ATE1: variants seen among roughly 807,000 people sequenced by gnomAD.
ATE1 encodes arginyl-tRNA--protein transferase 1.
Under a neutral mutation model 70.5 loss-of-function variants are expected in ATE1, and 36 were observed. That is an observed-to-expected ratio of 0.51 (90% CI 0.39 to 0.67). The LOEUF (loss-of-function observed/expected upper bound fraction) is 0.67. ATE1 is among the 30% of genes least tolerant of loss of function. ATE1 has a pLI of 0.00. For missense variants in ATE1, 593 were observed against 629.5 expected (o/e 0.94, Z 0.62); for synonymous variants, 232 against 219.3 (o/e 1.06, Z -0.51).
chr10:121,776,020 T>C (rs1945723301), intron 11 of ATE1, among the ~76,000 whole-genome samples: 1 of 152,246 alleles, frequency 6.6e-6, no homozygotes. Context: ...AGCTGTAATG[T>C]GCATATATTA....
At chr10:121,743,980 T>C in intron 11 of ATE1, 122 bp from the exon 12 acceptor site, 1 of 1,101,300 alleles carries the variant, frequency 9.1e-7, no homozygotes, top group Non-Finnish European at 1.2e-6. Context: ...TGGAGTGCAG[T>C]GGCGCTGTCT....
chr10:121,786,136 C>T (rs1946194027), intron 11 of ATE1, among the ~76,000 whole-genome samples: 1 of 145,602 alleles, frequency 6.9e-6, no homozygotes, highest in Non-Finnish European at 1.5e-5. Context: ...ATTATGTTTT[C>T]AGGATAAACT....
chr10:121,773,274 A>G (rs1221083288), intron 11 of ATE1, among the ~76,000 whole-genome samples: 3 of 152,242 alleles, frequency 2.0e-5, no homozygotes, highest in Admixed American at 2.0e-4. Context: ...CAATGTTTAA[A>G]CAATGAAAAG....
Position 121,913,797 on chromosome 10 carries a change from A to C in ATE1, c.330T>G (p.Ser110Arg). Reference protein sequence around the residue: ...FLAKGEVPKGSCEDEPMDSTM... With the variant: ...FLAKGEVPKGRCEDEPMDSTM... ...AGACCCAGCCCATCTTACCCTCACA[A>C]CTTCCTTTGGGAACCTCCCCTTTAG... Residue 110 changes from serine to arginine, a missense_variant, in exon 4 of 12, where the codon AGT (serine) becomes AGG (arginine). By Grantham distance (110) the Ser-to-Arg change is moderately radical (BLOSUM62 -1). This residue lies in a region of ATE1 where 467 missense variants were observed against 469.6 expected (regional missense o/e 0.99). Transcript: ENST00000224652. 6.2e-7 allele frequency: 1 copy of C among 1,610,478 alleles called. No individual in the cohort carries two copies. The highest frequency in any genetic ancestry group is 8.5e-7 in the Non-Finnish European group (1 of 1,177,402).
At chr10:121,748,728 A>G (rs1002952202) in intron 11 of ATE1, among the ~76,000 whole-genome samples, 3 of 152,112 alleles carry the variant, frequency 2.0e-5, no homozygotes, top group African/African-American at 7.2e-5. Context: ...ATAATAAAGT[A>G]TCTTATAAAG....
chr10:121,903,068 G>GTTGGCCAGACTGGTCTCAAACTCCC (rs748327890), intron 5 of ATE1, among the ~76,000 whole-genome samples: 17,541 of 130,562 alleles, frequency 0.13, 1,113 homozygotes, highest in Non-Finnish European at 0.17. Flanking sequence ...GTTTCACCAT[G>GTTGGCCAGACTGGTCTCAAACTCCC]TTGGCCAGAC....
rs138061512 is a variant in ATE1 at position 121,921,510 on chromosome 10, C to T, written c.233+839G>A. Among the ~76,000 whole-genome samples, 315 of 148,686 alleles carry T rather than the reference C, an allele frequency of 2.1e-3. 2 individuals are homozygous for T. The highest frequency in any genetic ancestry group is 7.5e-3 in the African/African-American group (300 of 40,248). On this transcript the variant is annotated intron_variant, in intron 3 of 11. Transcript: ENST00000224652. ...AAAAAATAAATTTTCCTTTGTTTTA[C>T]GGAATGAGTTCATAGATTCCTGTTC...
chr10:121,896,942 T>G (rs1366771912), intron 7 of ATE1, among the ~76,000 whole-genome samples: 3 of 79,904 alleles, frequency 3.8e-5, no homozygotes, highest in Admixed American at 1.2e-4. Flanking sequence ...GGCATACAAT[T>G]TTACCCTCCA....
At chr10:121,883,141 T>C (rs926429343) in intron 7 of ATE1, among the ~76,000 whole-genome samples, 1 of 152,150 alleles carries the variant, frequency 6.6e-6, no homozygotes, top group Non-Finnish European at 1.5e-5. Flanking sequence ...AAGCCAATAA[T>C]CGATACTTCC....
chr10:121,805,965 T>C lies in ATE1; in HGVS notation c.1258-15676A>G, dbSNP rs1435274235. Among the ~76,000 whole-genome samples the C allele has an allele frequency of 2.0e-5, 3 of 152,244 alleles. No individual in the cohort carries two copies. In the East Asian group the frequency reaches 5.8e-4, roughly 29 times the overall value. On this transcript the variant is annotated intron_variant, in intron 10 of 11. Coordinates refer to ENST00000224652, the MANE Select transcript of ATE1 (RefSeq NM_001001976.3). ...TACTATCACCAATACTTGGACAAAA[T>C]GACAGTAAGGGACTCCTAATGTGAT...
At chr10:121,854,593 T>C (rs928761459) in intron 8 of ATE1, among the ~76,000 whole-genome samples, 4 of 152,178 alleles carry the variant, frequency 2.6e-5, no homozygotes, top group African/African-American at 9.7e-5. Flanking sequence ...TCTATGTATT[T>C]TTCTGCTTCT....
intron 5 of ATE1, among the ~76,000 whole-genome samples, chr10:121,904,195 GC>G (rs1406883195): frequency 6.6e-6 from 1 of 151,768 alleles, no homozygotes; most frequent in Non-Finnish European, 1.5e-5. Context: ...TGCTGGTCAG[GC>G]TGGTCTTGAA....
intron 7 of ATE1, among the ~76,000 whole-genome samples, chr10:121,890,962 A>G (rs1359065452): frequency 6.6e-6 from 1 of 152,106 alleles, no homozygotes; most frequent in Non-Finnish European, 1.5e-5. Context: ...ACTATTTGCA[A>G]TTATGTGCTA....
At chr10:121,873,299 G>T (rs998737383) in intron 7 of ATE1, among the ~76,000 whole-genome samples, 1 of 151,900 alleles carries the variant, frequency 6.6e-6, no homozygotes, top group Non-Finnish European at 1.5e-5. Context: ...GGCATAAAAG[G>T]CATCAGTACC....
At chr10:121,847,756 CAAAAAAA>C (rs34868723) in intron 8 of ATE1, among the ~76,000 whole-genome samples, 40 of 60,840 alleles carry the variant, frequency 6.6e-4, no homozygotes, top group African/African-American at 2.5e-3. Flanking sequence ...GACTCTGTCT[CAAAAAAA>C]AAAAAAAAAA....
intron 10 of ATE1, among the ~76,000 whole-genome samples, chr10:121,802,707 C>T (rs189217404): frequency 1.6e-4 from 24 of 152,250 alleles, no homozygotes; most frequent in Admixed American, 3.9e-4. Flanking sequence ...TGCTCCCATC[C>T]CCAGGCTGAA....
chr10:121,793,142 C>CAT (rs1946521459), intron 10 of ATE1, among the ~76,000 whole-genome samples: 1 of 152,030 alleles, frequency 6.6e-6, no homozygotes, highest in African/African-American at 2.4e-5. Context: ...TATATGAATG[C>CAT]CTAATAAGCA....
At chr10:121,915,537 G>A (rs1238669250) in intron 3 of ATE1, among the ~76,000 whole-genome samples, 1 of 152,096 alleles carries the variant, frequency 6.6e-6, no homozygotes, top group Non-Finnish European at 1.5e-5. Flanking sequence ...TGTCTGTGAT[G>A]GATAAAAACA....
At chr10:121,791,042 A>G (rs1217748597) in intron 10 of ATE1, among the ~76,000 whole-genome samples, 10 of 143,382 alleles carry the variant, frequency 7.0e-5, no homozygotes, top group Admixed American at 2.9e-4. Flanking sequence ...ATATATGTGT[A>G]TATATATGTA....
Sources: gnomAD v4.1 joint callset for allele counts (sites outside exome capture counted in the v4.1 genomes callset) on GRCh38, gnomAD v4.1.1 for gene constraint, gnomAD v4.1.1 regional missense constraint, MANE v1.5 for transcripts, NCBI Gene and HGNC (gene_info 2026-07-23, HGNC 2026-07-21) for gene names.